Variants in OPCML observed in about 807,000 individuals in gnomAD.
OPCML encodes opioid binding protein/cell adhesion molecule like.
A neutral mutation model predicts 37.8 loss-of-function variants in OPCML; 13 were observed. That is an observed-to-expected ratio of 0.34 (90% CI 0.22 to 0.55). The LOEUF (loss-of-function observed/expected upper bound fraction) is 0.55. OPCML is among the 20% of genes least tolerant of loss of function. The probability of loss-of-function intolerance (pLI) is 0.91; values close to 1 mark genes in which losing one functional copy is unlikely to be tolerated. For missense variants in OPCML, 341 were observed against 435.6 expected, an observed-to-expected ratio of 0.78 and a Z score of 1.93; for synonymous variants, 176 against 168.8, an observed-to-expected ratio of 1.04 and a Z score of -0.33.
chr11:132,782,943 A>ATATATG (rs1555188334), intron 2 of OPCML, among the ~76,000 whole-genome samples: 5 of 140,572 alleles, frequency 3.6e-5, no homozygotes, highest in Admixed American at 2.2e-4. Context: ...ATATATATAT[A>ATATATG]TATGTATGTA....
chr11:132,675,155 A>ATGTG lies in OPCML; in HGVS notation c.147-17840_147-17837dup, dbSNP rs35219821. Among the ~76,000 whole-genome samples the ATGTG allele has an allele frequency of 6.5e-3, 932 of 144,034 alleles. 7 individuals carry two copies. The highest frequency in any genetic ancestry group is 7.9e-3 in the African/African-American group (303 of 38,428). 94.5% of individuals were successfully genotyped at this position (144,034 alleles called of 152,430 possible). A position where few individuals can be genotyped will look rare whatever the true frequency, so the allele number is the denominator to read the frequency against. ...GAAGTATGACAGCCCATATATATGT[A>ATGTG]TGTGTGTGTGTGTGTGTGTGTGTGT... On this transcript the variant is annotated intron_variant, in intron 2 of 7. Transcript: ENST00000524381.
At chr11:132,698,252 T>C (rs1943673248) in intron 2 of OPCML, among the ~76,000 whole-genome samples, 1 of 152,108 alleles carries the variant, frequency 6.6e-6, no homozygotes, top group Non-Finnish European at 1.5e-5. Context: ...CCAATTCAAA[T>C]TTCCACCAAC....
At chr11:132,548,184 T>G (rs2096373163) in intron 3 of OPCML, among the ~76,000 whole-genome samples, 1 of 152,138 alleles carries the variant, frequency 6.6e-6, no homozygotes, top group South Asian at 2.1e-4. Context: ...CAAGCTTACC[T>G]GGGGAAGGCA....
At chr11:133,034,568 C>A (rs1434421464) in intron 1 of OPCML, among the ~76,000 whole-genome samples, 1 of 152,104 alleles carries the variant, frequency 6.6e-6, no homozygotes, top group Non-Finnish European at 1.5e-5. Context: ...AACTCTGTGA[C>A]CTTGGTCAAA....
At position 133,047,971 on chromosome 11, in the gene OPCML, T is replaced by C. The variant is rs539044381; in HGVS notation, c.62-104961A>G. On this transcript the variant is annotated intron_variant, in intron 1 of 7. Coordinates refer to ENST00000524381, the MANE Select transcript of OPCML (RefSeq NM_001012393.5). ...CACTGCGAGAGGGTTTCTGCCCTAT[T>C]TGTCCTTGTCCAGAAACTGAGGATT... Among the ~76,000 whole-genome samples the C allele has an allele frequency of 9.1e-4, 139 of 152,208 alleles. 2 individuals carry two copies. The South Asian group carries it at 0.028, about 30-fold the overall frequency.
chr11:132,973,164 G>A (rs1347515937), intron 1 of OPCML, among the ~76,000 whole-genome samples: 3 of 152,002 alleles, frequency 2.0e-5, no homozygotes, highest in Non-Finnish European at 2.9e-5. Context: ...TCAATTTCTG[G>A]CTCCATCCTG....
intron 2 of OPCML, among the ~76,000 whole-genome samples, chr11:132,767,610 C>T (rs750068250): frequency 6.6e-5 from 10 of 152,118 alleles, no homozygotes; most frequent in Non-Finnish European, 1.0e-4. Context: ...GGTGCTCATG[C>T]GTTTACTAGT....
At chr11:133,390,411 C>A (rs1264299625) in intron 1 of OPCML, among the ~76,000 whole-genome samples, 1 of 152,038 alleles carries the variant, frequency 6.6e-6, no homozygotes, top group African/African-American at 2.4e-5. Context: ...TGCAGCGAGC[C>A]GAGATCGCGC....
At chr11:133,155,612 C>T (rs1028810128) in intron 1 of OPCML, among the ~76,000 whole-genome samples, 1 of 152,182 alleles carries the variant, frequency 6.6e-6, no homozygotes, top group Non-Finnish European at 1.5e-5. Flanking sequence ...ATTAACTATG[C>T]CGAGCAGGCT....
At chr11:132,782,917 GTATA>G (rs59984496) in intron 2 of OPCML, among the ~76,000 whole-genome samples, 3,662 of 125,066 alleles carry the variant, frequency 0.029, 80 homozygotes, top group African/African-American at 0.059. Context: ...TATAGTGTGT[GTATA>G]TATATATATA....
chr11:132,609,920 A>G (rs969414806), intron 3 of OPCML, among the ~76,000 whole-genome samples: 1 of 152,210 alleles, frequency 6.6e-6, no homozygotes, highest in African/African-American at 2.4e-5. Context: ...AGGAAAAATA[A>G]AATATCAATC....
intron 3 of OPCML, among the ~76,000 whole-genome samples, chr11:132,557,089 C>T (rs1591546483): frequency 6.6e-6 from 1 of 152,312 alleles, no homozygotes; most frequent in East Asian, 1.9e-4. Flanking sequence ...CCCTAGTTGA[C>T]TGGGTATCTA....
intron 1 of OPCML, among the ~76,000 whole-genome samples, chr11:133,286,597 G>A (rs899219148): frequency 6.6e-6 from 1 of 151,846 alleles, no homozygotes; most frequent in Admixed American, 6.6e-5. Context: ...CTAACTGACC[G>A]AGTCTTGCGG....
At chr11:132,972,916 C>G (rs548320009) in intron 1 of OPCML, among the ~76,000 whole-genome samples, 17 of 152,202 alleles carry the variant, frequency 1.1e-4, no homozygotes, top group East Asian at 3.9e-4. Flanking sequence ...AAAAAAGCAC[C>G]ACCTAGGTCT....
chr11:133,491,827 A>C (rs983096432), intron 1 of OPCML, among the ~76,000 whole-genome samples: 1 of 152,190 alleles, frequency 6.6e-6, no homozygotes, highest in Admixed American at 6.5e-5. Context: ...GCCAGGGGGA[A>C]CATGAGGTCA....
intron 3 of OPCML, among the ~76,000 whole-genome samples, chr11:132,618,555 C>G (rs1939178286): frequency 6.6e-6 from 1 of 152,108 alleles, no homozygotes; most frequent in South Asian, 2.1e-4. Context: ...CTTCACTACC[C>G]AACAATCTAG....
At chr11:133,376,988 G>A (rs1017309899) in intron 1 of OPCML, among the ~76,000 whole-genome samples, 21 of 152,144 alleles carry the variant, frequency 1.4e-4, no homozygotes, top group African/African-American at 5.1e-4. Context: ...GGAGTAAAGG[G>A]AAGAAAAAGA....
intron 1 of OPCML, among the ~76,000 whole-genome samples, chr11:133,327,521 C>G (rs1242860403): frequency 6.6e-6 from 1 of 151,988 alleles, no homozygotes; most frequent in Non-Finnish European, 1.5e-5. Flanking sequence ...TTCTCTGAAA[C>G]AGCAGATCTC....
chr11:133,486,672 A>C (rs920651490), intron 1 of OPCML, among the ~76,000 whole-genome samples: 2 of 152,082 alleles, frequency 1.3e-5, no homozygotes, highest in African/African-American at 4.8e-5. Flanking sequence ...AAATATCTAC[A>C]CTAGCACACA....
Sources: allele counts gnomAD v4.1 joint callset (sites outside exome capture counted in the v4.1 genomes callset), GRCh38; gene constraint gnomAD v4.1.1; transcripts MANE v1.5; gene names NCBI Gene and HGNC (gene_info 2026-07-23, HGNC 2026-07-21).